PRCC: variants seen among roughly 807,000 people sequenced by gnomAD.
PRCC encodes the protein proline-rich protein PRCC.
In PRCC, 10 loss-of-function variants were observed where a neutral mutation model predicts 44.0. The ratio of observed to expected loss-of-function variants is 0.23; its 90% CI spans 0.14 to 0.39. PRCC has a LOEUF of 0.39. PRCC is among the 10% of genes least tolerant of loss of function. PRCC has a pLI of 1.00. For missense variants in PRCC, 573 were observed against 624.7 expected (o/e 0.92, Z 0.88); for synonymous variants, 278 against 259.5 (o/e 1.07, Z -0.69).
Position 156,776,477 on chromosome 1 carries a change from TTG to T in PRCC, c.469-5796_469-5795del, listed in dbSNP as rs1491358144. The stretch of plus-strand genomic sequence containing the variant: ...CGAAGTCTTTATAGAGGTTTTTTTT[TTG>T]TGTGTGTGCTTTTAAACTATAAACT... On this transcript the variant is annotated intron_variant, in intron 1 of 6. Coordinates refer to ENST00000271526, the MANE Select transcript of PRCC (RefSeq NM_005973.5). 4.8e-3 allele frequency among the ~76,000 whole-genome samples: 732 copies of T among 152,116 alleles called. 2 individuals carry two copies. The highest frequency in any genetic ancestry group is 7.7e-3 in the Non-Finnish European group (526 of 67,954).
intron 6 of PRCC, among the ~76,000 whole-genome samples, chr1:156,797,697 T>G (rs1340949631): frequency 6.6e-6 from 1 of 152,208 alleles, no homozygotes; most frequent in African/African-American, 2.4e-5. Context: ...AAAAAGTTGA[T>G]TCACCAACTT....
intron 4 of PRCC, 32 bp from the exon 5 acceptor site, chr1:156,794,633 A>G: frequency 6.2e-7 from 1 of 1,612,686 alleles, no homozygotes; most frequent in Non-Finnish European, 8.5e-7. Context: ...CCTTGCCCAG[A>G]TTCCTGACTC....
intron 5 of PRCC, chr1:156,795,909 C>T (rs1652646865): frequency 1.3e-5 from 2 of 152,198 alleles, no homozygotes; most frequent in African/African-American, 4.8e-5. Flanking sequence ...GGACTTGAGC[C>T]CAGCACCAGC....
chr1:156,784,508 T>A (rs12043405), intron 2 of PRCC, among the ~76,000 whole-genome samples: 1 of 152,088 alleles, frequency 6.6e-6, no homozygotes, highest in African/African-American at 2.4e-5. Flanking sequence ...ACCCCAGATA[T>A]GTGACAAGTC....
rs559413211 is a variant in PRCC at position 156,797,502 on chromosome 1, A to G, written c.1389+161A>G. Among the ~76,000 whole-genome samples the G allele has an allele frequency of 1.9e-3, 295 of 152,362 alleles. 1 individual carries two copies. Among genetic ancestry groups the G allele is most frequent in the African/African-American group, 6.7e-3 (279 of 41,586 alleles). On this transcript the variant is annotated intron_variant, in intron 6 of 6. Coordinates refer to ENST00000271526, the MANE Select transcript of PRCC (RefSeq NM_005973.5). The stretch of plus-strand genomic sequence containing the variant: ...CAGAGCGGCCACTAGGAGGGGATAC[A>G]TCCTTCAGAATTATCCTGCTCTACT...
intron 1 of PRCC, among the ~76,000 whole-genome samples, chr1:156,768,555 C>T (rs1263479459): frequency 6.6e-6 from 1 of 152,170 alleles, no homozygotes; most frequent in Non-Finnish European, 1.5e-5. Context: ...GGCTTTTTCC[C>T]CTTTCCTCCT....
intron 1 of PRCC, among the ~76,000 whole-genome samples, 162 bp from the exon 2 acceptor site, chr1:156,782,120 G>T (rs1652068562): frequency 6.6e-6 from 1 of 152,226 alleles, no homozygotes; most frequent in African/African-American, 2.4e-5. Context: ...CAGGAAGGGA[G>T]CTGTGTTGTT....
At chr1:156,785,857 G>T in intron 2 of PRCC, among the ~76,000 whole-genome samples, 1 of 147,622 alleles carries the variant, frequency 6.8e-6, no homozygotes. Flanking sequence ...TGTCACCCAA[G>T]CTGGAGTACA....
rs41267421 is a variant in PRCC, at chr1:156,796,706, G to A, written c.1324-570G>A. Reference sequence around the variant, plus strand: ...GAAGCTGCTGGCACTTACTAGAATGGGGAAGGCAGGGGTTTTAGCCAGAGG... The same window carrying A: ...GAAGCTGCTGGCACTTACTAGAATGAGGAAGGCAGGGGTTTTAGCCAGAGG... On this transcript the variant is annotated intron_variant, in intron 5 of 6. Transcript: ENST00000271526. The A allele has an allele frequency of 5.8e-3, 884 of 152,652 alleles. 6 individuals carry two copies. The highest frequency in any genetic ancestry group is 9.8e-3 in the Non-Finnish European group (667 of 68,322). 9.5% of individuals were successfully genotyped at this position (152,652 alleles called of 1,614,324 possible).
At chr1:156,796,296 C>CT (rs1429168022) in intron 5 of PRCC, 6 of 152,222 alleles carry the variant, frequency 3.9e-5, no homozygotes, top group Admixed American at 3.9e-4. Flanking sequence ...TCCAAGTTTT[C>CT]TTGCCACCGT....
At position 156,786,724 on chromosome 1, in the gene PRCC, C is replaced by G; in HGVS notation, c.633C>G (p.Gly211=). ...CCTTCTCCCGCAAACCCTCGGATGGCTCCCCTGATACTAAGCCCTCCAGAC... is the reference window on the plus strand; with the variant it reads ...CCTTCTCCCGCAAACCCTCGGATGGGTCCCCTGATACTAAGCCCTCCAGAC... The part of the protein sequence containing the change: ...PHAFSRKPSD[G]SPDTKPSRLA... Residue 211 remains glycine (G), a synonymous_variant, in exon 3 of 7, where the codon GGC becomes GGG. Transcript: ENST00000271526. The G allele has an allele frequency of 6.2e-7, 1 of 1,614,190 alleles. No individual in the cohort carries two copies. Among genetic ancestry groups the G allele is most frequent in the Non-Finnish European group, 8.5e-7 (1 of 1,180,034 alleles).
At chr1:156,774,301 G>A (rs1281124111) in intron 1 of PRCC, among the ~76,000 whole-genome samples, 2 of 147,840 alleles carry the variant, frequency 1.4e-5, no homozygotes, top group Admixed American at 6.8e-5. Flanking sequence ...TCAGCCTCCT[G>A]AGTAGCTGGG....
intron 1 of PRCC, among the ~76,000 whole-genome samples, chr1:156,780,076 A>G (rs1279516717): frequency 6.6e-6 from 1 of 151,586 alleles, no homozygotes; most frequent in African/African-American, 2.4e-5. Flanking sequence ...ATTTATTTTG[A>G]GATGGAGTTT....
intron 3 of PRCC, chr1:156,791,479 T>A (rs1652469879): frequency 5.2e-6 from 3 of 572,100 alleles, no homozygotes; most frequent in Non-Finnish European, 9.3e-6. Flanking sequence ...TATCCATCTG[T>A]CTGGATAGTG....
rs763050429 is a variant in PRCC, at chr1:156,787,112, G to A, written c.1021G>A (p.Asp341Asn). ...GAPWMPKPGD[D>N]YSYNQFSTYG... ...CCCTTGGATGCCTAAGCCTGGGGAC[G>A]ACTACAGCTACAATCAGTTTTCCAC... is the stretch of plus-strand genomic sequence containing the variant. Residue 341 changes from aspartate (D) to asparagine (N), a missense_variant, in exon 3 of 7, where the codon GAC becomes AAC. Around this residue, in one of 4 missense-constraint regions of PRCC, gnomAD observed 141 missense variants for 130.2 expected, o/e 1.08. Coordinates refer to ENST00000271526, the MANE Select transcript of PRCC (RefSeq NM_005973.5). 6.8e-5 allele frequency: 110 copies of A among 1,613,874 alleles called. 2 individuals are homozygous for A. Among genetic ancestry groups the A allele is most frequent in the South Asian group, 5.3e-4 (48 of 91,064 alleles).
In PRCC at chr1:156,768,128, C is replaced by A; in HGVS notation, c.357C>A (p.Gly119=). The A allele has an allele frequency of 1.9e-6, 3 of 1,569,646 alleles. No homozygotes were observed. The highest frequency in any genetic ancestry group is 1.9e-5 in the Admixed American group (1 of 53,818). ...GLGLPSPRGP[G]LNLPPPIGGA... ...GGTTGCCCTCGCCCCGAGGCCCTGG[C>A]CTCAATCTGCCCCCTCCAATTGGCG... is the stretch of plus-strand genomic sequence containing the variant. Residue 119 remains glycine, a synonymous_variant, in exon 1 of 7, where the codon GGC becomes GGA. Coordinates refer to ENST00000271526, the MANE Select transcript of PRCC (RefSeq NM_005973.5).
At chr1:156,770,906 A>G (rs929194884) in intron 1 of PRCC, among the ~76,000 whole-genome samples, 1 of 152,240 alleles carries the variant, frequency 6.6e-6, no homozygotes, top group African/African-American at 2.4e-5. Flanking sequence ...TGGAGCTAAG[A>G]ATGTACAGTA....
intron 3 of PRCC, among the ~76,000 whole-genome samples, chr1:156,789,261 T>C (rs537150348): frequency 6.6e-6 from 1 of 152,332 alleles, no homozygotes; most frequent in South Asian, 2.1e-4. Context: ...TGAGCCACCG[T>C]ACCCCGCCAA....
intron 1 of PRCC, among the ~76,000 whole-genome samples, chr1:156,774,491 C>T (rs1457199132): frequency 6.8e-6 from 1 of 147,024 alleles, no homozygotes; most frequent in African/African-American, 2.5e-5. Context: ...TTTCTTTTTT[C>T]TTTTTTTTTC....
Sources: allele counts gnomAD v4.1 joint callset (sites outside exome capture counted in the v4.1 genomes callset), GRCh38; gene constraint gnomAD v4.1.1; regional missense constraint gnomAD v4.1.1; transcripts MANE v1.5; gene names NCBI Gene and HGNC (gene_info 2026-07-23, HGNC 2026-07-21).